Variants in ENOX1 observed in about 807,000 individuals in gnomAD.
The protein encoded by ENOX1 is candidate growth-related and time keeping constitutive hydroquinone (NADH) oxidase.
Under a neutral mutation model 82.5 loss-of-function variants are expected in ENOX1, and 42 were observed. That is an observed-to-expected ratio of 0.51 (90% CI 0.40 to 0.66). The LOEUF (loss-of-function observed/expected upper bound fraction) is 0.66, where lower values mean the gene tolerates loss of function less well. Among genes scored for constraint, ENOX1 ranks in the 30% least tolerant of loss-of-function variants. The pLI, the probability that ENOX1 is intolerant of heterozygous loss-of-function variation, is 0.00. For synonymous variants in ENOX1, 271 were observed against 282.2 expected (o/e 0.96, Z 0.40); for missense variants, 608 against 811.6 (o/e 0.75, Z 3.05).
rs915655340 is a variant in ENOX1 at position 43,326,511 on chromosome 13, C to T, written c.1051G>A (p.Ala351Thr). ...GILTQFEQIVAVFNASTRQKA... is the reference protein window; with the variant it reads ...GILTQFEQIVTVFNASTRQKA... The stretch of plus-strand genomic sequence containing the variant: ...TGTCTGGTAGAAGCGTTGAAAACGG[C>T]CACAATCTGCTCAACTTTGGTGAAC... The change falls in exon 10 of 17, where the codon GCC becomes ACC. Residue 351 changes from alanine (A) to threonine (T), a missense_variant. By Grantham distance (58) the Ala-to-Thr change is moderately conservative (BLOSUM62 0). Coordinates refer to ENST00000690772, the MANE Select transcript of ENOX1 (RefSeq NM_001347969.2). 6.2e-7 allele frequency: 1 copy of T among 1,614,046 alleles called. No homozygotes were observed.
chr13:43,345,517 G>C (rs773919156), intron 8 of ENOX1, among the ~76,000 whole-genome samples: 3 of 152,096 alleles, frequency 2.0e-5, no homozygotes, highest in Non-Finnish European at 4.4e-5. Flanking sequence ...GAAAATAAGT[G>C]ATAAAGTCTA....
chr13:43,754,843 A>C (rs755179595), intron 1 of ENOX1, among the ~76,000 whole-genome samples: 2 of 152,160 alleles, frequency 1.3e-5, no homozygotes, highest in Non-Finnish European at 2.9e-5. Flanking sequence ...AAGTGCTGGG[A>C]TTCCATTCAT....
chr13:43,379,453 T>C (rs571015423), intron 5 of ENOX1, among the ~76,000 whole-genome samples: 2 of 152,216 alleles, frequency 1.3e-5, no homozygotes, highest in East Asian at 1.9e-4. Context: ...AGATTTAACA[T>C]ATTAAATAGA....
intron 8 of ENOX1, among the ~76,000 whole-genome samples, chr13:43,350,014 C>G (rs2049668449): frequency 6.6e-6 from 1 of 152,196 alleles, no homozygotes. Flanking sequence ...CCTAATTCTA[C>G]AGGGGGTGGG....
chr13:43,346,216 A>C (rs867925312), intron 8 of ENOX1, among the ~76,000 whole-genome samples: 1 of 152,144 alleles, frequency 6.6e-6, no homozygotes, highest in South Asian at 2.1e-4. Context: ...CTTGCCCAGG[A>C]GGTGTGTGTC....
At chr13:43,431,725 C>T (rs992421961) in intron 3 of ENOX1, among the ~76,000 whole-genome samples, 1 of 152,054 alleles carries the variant, frequency 6.6e-6, no homozygotes, top group East Asian at 1.9e-4. Context: ...ATAAACACAC[C>T]GTATTAATCA....
At chr13:43,623,154 G>A (rs1226655915) in intron 2 of ENOX1, among the ~76,000 whole-genome samples, 1 of 152,178 alleles carries the variant, frequency 6.6e-6, no homozygotes, top group African/African-American at 2.4e-5. Context: ...AGAGCAATAC[G>A]AGTCTGAAAA....
At chr13:43,565,416 G>C (rs753299476) in intron 2 of ENOX1, among the ~76,000 whole-genome samples, 107 of 152,236 alleles carry the variant, frequency 7.0e-4, no homozygotes, top group Non-Finnish European at 1.2e-3. Context: ...CAGCTCCTCA[G>C]CTCTGGACAC....
chr13:43,517,325 C>T (rs911312652), intron 2 of ENOX1, among the ~76,000 whole-genome samples: 2 of 152,016 alleles, frequency 1.3e-5, no homozygotes, highest in East Asian at 1.9e-4. Context: ...TGGTGAAACC[C>T]GGTCTCTACT....
At chr13:43,233,475 GT>G (rs1261851472) in intron 15 of ENOX1, among the ~76,000 whole-genome samples, 1 of 152,124 alleles carries the variant, frequency 6.6e-6, no homozygotes, top group Admixed American at 6.5e-5. Flanking sequence ...AAAGACTCTA[GT>G]TTTATACAAT....
intron 5 of ENOX1, among the ~76,000 whole-genome samples, chr13:43,380,355 T>C (rs1195052145): frequency 6.7e-6 from 1 of 148,280 alleles, no homozygotes; most frequent in Non-Finnish European, 1.5e-5. Flanking sequence ...GTTTATGATA[T>C]ATATAGAAGT....
intron 2 of ENOX1, among the ~76,000 whole-genome samples, chr13:43,497,996 T>A (rs964743902): frequency 1.2e-4 from 18 of 152,118 alleles, no homozygotes; most frequent in African/African-American, 4.1e-4. Flanking sequence ...TCATCTAAGA[T>A]AAGTTTGTTT....
intron 3 of ENOX1, among the ~76,000 whole-genome samples, chr13:43,415,232 G>GTTTTTTTT (rs71202260): frequency 2.0e-4 from 11 of 54,638 alleles, no homozygotes; most frequent in African/African-American, 7.4e-4. Flanking sequence ...CCAATCCAAT[G>GTTTTTTTT]TTTTTTTTTT....
At chr13:43,602,850 G>A (rs1215954302) in intron 2 of ENOX1, among the ~76,000 whole-genome samples, 2 of 151,994 alleles carry the variant, frequency 1.3e-5, no homozygotes, top group African/African-American at 2.4e-5. Flanking sequence ...ATATGAAGAT[G>A]ACACAAATTA....
At chr13:43,254,296 T>C (rs1433410476) in intron 14 of ENOX1, among the ~76,000 whole-genome samples, 1 of 152,226 alleles carries the variant, frequency 6.6e-6, no homozygotes, top group Non-Finnish European at 1.5e-5. Flanking sequence ...CTAAGTATTG[T>C]TCTCCTAAAT....
intron 16 of ENOX1, 101 bp downstream of exon 16, chr13:43,223,952 G>T (rs922308157): frequency 6.0e-6 from 5 of 829,928 alleles, no homozygotes; most frequent in Admixed American, 4.2e-5. Flanking sequence ...ACCCCCATAG[G>T]CTGCTACAGC....
intron 3 of ENOX1, among the ~76,000 whole-genome samples, chr13:43,470,238 G>GTGTGTGTA (rs1566304556): frequency 1.2e-5 from 1 of 86,826 alleles, no homozygotes; most frequent in African/African-American, 3.7e-5. Context: ...GTGTGTGTGT[G>GTGTGTGTA]TATATATATA....
intron 2 of ENOX1, among the ~76,000 whole-genome samples, chr13:43,594,831 C>A (rs1226942049): frequency 1.3e-5 from 2 of 152,078 alleles, no homozygotes; most frequent in African/African-American, 2.4e-5. Context: ...AGATTCCTGG[C>A]TCCCATTTTC....
chr13:43,556,449 T>G (rs1176856226), intron 2 of ENOX1, among the ~76,000 whole-genome samples: 1 of 152,150 alleles, frequency 6.6e-6, no homozygotes, highest in Non-Finnish European at 1.5e-5. Context: ...TAAAAATAGG[T>G]TTTTTTCTTA....
Sources: gnomAD v4.1 joint callset for allele counts (sites outside exome capture counted in the v4.1 genomes callset) on GRCh38, gnomAD v4.1.1 for gene constraint, MANE v1.5 for transcripts, NCBI Gene and HGNC (gene_info 2026-07-23, HGNC 2026-07-21) for gene names.